Variants in ITGBL1 observed in about 807,000 individuals in gnomAD.
ITGBL1 encodes the protein integrin beta-like protein 1.
ITGBL1 carries 51 observed loss-of-function variants against 68.5 expected under a neutral mutation model. The observed-to-expected ratio is 0.74, with a 90% CI of 0.59 to 0.94. The LOEUF (loss-of-function observed/expected upper bound fraction) is 0.94. Among genes scored for constraint, ITGBL1 ranks in the 40% least tolerant of loss-of-function variants. ITGBL1 has a pLI of 0.00. For synonymous variants in ITGBL1, 209 were observed against 227.3 expected (o/e 0.92, Z 0.72); for missense variants, 649 against 647.4 (o/e 1.00, Z -0.03).
At chr13:101,512,929 G>T (rs2049138857) in intron 2 of ITGBL1, among the ~76,000 whole-genome samples, 2 of 152,128 alleles carry the variant, frequency 1.3e-5, no homozygotes, top group South Asian at 4.1e-4. Flanking sequence ...TTGTGTGGCA[G>T]GAAATTCTTT....
At chr13:101,531,642 G>T (rs2049479405) in intron 2 of ITGBL1, among the ~76,000 whole-genome samples, 1 of 151,250 alleles carries the variant, frequency 6.6e-6, no homozygotes, top group Non-Finnish European at 1.5e-5. Flanking sequence ...TTCTTAAGTA[G>T]TTTAGGTATT....
At chr13:101,579,261 C>A (rs763093838) in intron 4 of ITGBL1, 26 bp from the exon 5 acceptor site, 1 of 1,600,830 alleles carries the variant, frequency 6.2e-7, no homozygotes, top group Non-Finnish European at 8.5e-7. Context: ...TTTTTCCTCA[C>A]TGTATAAAAT....
At chr13:101,504,970 G>A (rs1566705620) in intron 2 of ITGBL1, among the ~76,000 whole-genome samples, 1 of 152,172 alleles carries the variant, frequency 6.6e-6, no homozygotes, top group South Asian at 2.1e-4. Context: ...GAAGGGAAGG[G>A]CAAAATAGAA....
At chr13:101,700,287 C>T (rs571905399) in intron 8 of ITGBL1, among the ~76,000 whole-genome samples, 1 of 152,340 alleles carries the variant, frequency 6.6e-6, no homozygotes, top group African/African-American at 2.4e-5. Context: ...ATTATTCACA[C>T]TATTTCTTCT....
chr13:101,559,077 G>A (rs934161912), intron 2 of ITGBL1, among the ~76,000 whole-genome samples: 3 of 152,036 alleles, frequency 2.0e-5, no homozygotes, highest in African/African-American at 4.8e-5. Context: ...AATTTTAGTA[G>A]CATTAATGCA....
chr13:101,509,090 G>A (rs1190591991), intron 2 of ITGBL1, among the ~76,000 whole-genome samples: 2 of 152,172 alleles, frequency 1.3e-5, no homozygotes, highest in African/African-American at 4.8e-5. Flanking sequence ...ACAAAAGAAA[G>A]AGGTTTAATG....
intron 7 of ITGBL1, among the ~76,000 whole-genome samples, chr13:101,682,501 A>G (rs1415724411): frequency 6.6e-6 from 1 of 152,106 alleles, no homozygotes; most frequent in Non-Finnish European, 1.5e-5. Context: ...TATTTCAATG[A>G]ACACGGTAAC....
At chr13:101,665,115 G>C (rs182942113) in intron 7 of ITGBL1, among the ~76,000 whole-genome samples, 1 of 151,702 alleles carries the variant, frequency 6.6e-6, no homozygotes, top group Non-Finnish European at 1.5e-5. Context: ...TTTTTTCTCA[G>C]CAAGGCTTTG....
chr13:101,690,725 A>T (rs2093585339), intron 7 of ITGBL1, among the ~76,000 whole-genome samples: 1 of 152,180 alleles, frequency 6.6e-6, no homozygotes, highest in Admixed American at 6.5e-5. Flanking sequence ...GCCTTGGGCA[A>T]ATCATTTAGC....
chr13:101,651,629 A>C (rs1405054774), intron 7 of ITGBL1, among the ~76,000 whole-genome samples: 1 of 151,884 alleles, frequency 6.6e-6, no homozygotes, highest in Non-Finnish European at 1.5e-5. Context: ...TTGTGTGTTC[A>C]CTCTGATAAT....
intron 7 of ITGBL1, among the ~76,000 whole-genome samples, chr13:101,637,886 T>C (rs1370185396): frequency 6.6e-6 from 1 of 152,216 alleles, no homozygotes; most frequent in African/African-American, 2.4e-5. Flanking sequence ...CAGTAAGGCA[T>C]AGATCTATAA....
intron 9 of ITGBL1, among the ~76,000 whole-genome samples, chr13:101,708,892 C>A (rs2034323403): frequency 6.6e-6 from 1 of 152,222 alleles, no homozygotes; most frequent in South Asian, 2.1e-4. Flanking sequence ...CTTGTTTGTT[C>A]TCTCACTAAT....
chr13:101,558,867 C>T (rs1012154252), intron 2 of ITGBL1, among the ~76,000 whole-genome samples: 1 of 152,018 alleles, frequency 6.6e-6, no homozygotes, highest in Non-Finnish European at 1.5e-5. Flanking sequence ...CTAGAGGTTT[C>T]CTGAATCCCA....
At chr13:101,667,937 G>T (rs1434996022) in intron 7 of ITGBL1, among the ~76,000 whole-genome samples, 2 of 151,068 alleles carry the variant, frequency 1.3e-5, no homozygotes, top group Admixed American at 6.6e-5. Context: ...TTAGCTCATG[G>T]GATTCATATG....
intron 2 of ITGBL1, among the ~76,000 whole-genome samples, chr13:101,472,797 A>G (rs1398394919): frequency 6.6e-6 from 1 of 152,154 alleles, no homozygotes; most frequent in African/African-American, 2.4e-5. Context: ...GAAATTTAAT[A>G]TACATTTTGA....
At chr13:101,515,579 T>A (rs2049182030) in intron 2 of ITGBL1, among the ~76,000 whole-genome samples, 1 of 152,130 alleles carries the variant, frequency 6.6e-6, no homozygotes, top group Non-Finnish European at 1.5e-5. Flanking sequence ...TGCCATTTTT[T>A]TTTCTTTTTC....
rs150556972 is a variant in ITGBL1, at chr13:101,477,827, G to C, written c.316+23727G>C. On this transcript the variant is annotated intron_variant, in intron 2 of 10. Transcript: ENST00000376180. ...TAACAGTAATAAAATTGAAACCATAGTTTATTGTACATTGATGAAAAGTTT... is the reference window on the plus strand; with the variant it reads ...TAACAGTAATAAAATTGAAACCATACTTTATTGTACATTGATGAAAAGTTT... Among the ~76,000 whole-genome samples the C allele has an allele frequency of 1.7e-3, 257 of 151,888 alleles. 1 individual carries two copies. Among genetic ancestry groups the C allele is most frequent in the African/African-American group, 5.9e-3 (246 of 41,510 alleles).
intron 7 of ITGBL1, 146 bp downstream of exon 7, chr13:101,598,445 A>G (rs1465465606): frequency 1.7e-6 from 1 of 600,130 alleles, no homozygotes; most frequent in Non-Finnish European, 2.5e-6. Flanking sequence ...TTTATTTTTT[A>G]TTATTATATT....
intron 5 of ITGBL1, among the ~76,000 whole-genome samples, chr13:101,580,696 T>A (rs2050442274): frequency 6.6e-6 from 1 of 152,198 alleles, no homozygotes; most frequent in Non-Finnish European, 1.5e-5. Flanking sequence ...TCACCATTTT[T>A]AAGTATATGA....
Sources: allele counts gnomAD v4.1 joint callset (sites outside exome capture counted in the v4.1 genomes callset), GRCh38; gene constraint gnomAD v4.1.1; transcripts MANE v1.5; gene names NCBI Gene and HGNC (gene_info 2026-07-23, HGNC 2026-07-21).